Variants in KSR2 observed in about 807,000 individuals in gnomAD.
KSR2 encodes kinase suppressor of ras 2.
A neutral mutation model predicts 107.8 loss-of-function variants in KSR2; 25 were observed. The observed-to-expected ratio is 0.23, with a 90% CI of 0.17 to 0.32. KSR2 has a LOEUF of 0.32. KSR2 is among the 10% of genes least tolerant of loss of function. KSR2 has a pLI of 1.00. For synonymous variants in KSR2, 480 were observed against 507.0 expected, an observed-to-expected ratio of 0.95 and a Z score of 0.71; for missense variants, 887 against 1,268.9, an observed-to-expected ratio of 0.70 and a Z score of 4.57.
At chr12:117,793,379 A>C (rs1442190995) in intron 3 of KSR2, among the ~76,000 whole-genome samples, 2 of 147,768 alleles carry the variant, frequency 1.4e-5, no homozygotes, top group Non-Finnish European at 3.0e-5. Context: ...ATGCACACAC[A>C]CCACTGTGCA....
At chr12:117,860,545 G>T in intron 1 of KSR2, 114 bp from the exon 2 acceptor site, 1 of 1,029,680 alleles carries the variant, frequency 9.7e-7, no homozygotes, top group Non-Finnish European at 1.4e-6. Context: ...CTATTTTAAA[G>T]ACTGGTTCCG....
At chr12:117,605,320 C>T (rs925025493) in intron 5 of KSR2, among the ~76,000 whole-genome samples, 1 of 152,170 alleles carries the variant, frequency 6.6e-6, no homozygotes, top group Non-Finnish European at 1.5e-5. Flanking sequence ...GCTGCAAAGA[C>T]CACGAATGTC....
chr12:117,633,218 A>G (rs1333247144), intron 5 of KSR2, among the ~76,000 whole-genome samples: 1 of 152,144 alleles, frequency 6.6e-6, no homozygotes, highest in Non-Finnish European at 1.5e-5. Context: ...TTTCCTTTCA[A>G]TTCTCTAAAT....
intron 3 of KSR2, among the ~76,000 whole-genome samples, chr12:117,782,230 C>A (rs1889912479): frequency 6.6e-6 from 1 of 152,154 alleles, no homozygotes; most frequent in Non-Finnish European, 1.5e-5. Flanking sequence ...TCTCATACTG[C>A]AGCTGAATAT....
intron 5 of KSR2, among the ~76,000 whole-genome samples, chr12:117,640,563 C>G (rs1883309377): frequency 6.6e-6 from 1 of 152,138 alleles, no homozygotes; most frequent in Admixed American, 6.5e-5. Flanking sequence ...TGATGAAGCT[C>G]TTTTAACTGG....
At chr12:117,925,104 G>A (rs940783856) in intron 1 of KSR2, among the ~76,000 whole-genome samples, 1 of 151,414 alleles carries the variant, frequency 6.6e-6, no homozygotes. Flanking sequence ...GTACAAGGAA[G>A]TTTGTTATAC....
intron 4 of KSR2, among the ~76,000 whole-genome samples, chr12:117,749,661 C>T (rs1295483010): frequency 6.6e-6 from 1 of 152,160 alleles, no homozygotes. Context: ...AAGAATGTGA[C>T]AATAGATGAT....
chr12:117,678,732 C>A (rs1039141491), intron 4 of KSR2, among the ~76,000 whole-genome samples: 6 of 152,142 alleles, frequency 3.9e-5, no homozygotes, highest in African/African-American at 1.4e-4. Flanking sequence ...AGTGCAAAGG[C>A]AGGTTTTCTG....
At chr12:117,928,615 C>G (rs1369919469) in intron 1 of KSR2, among the ~76,000 whole-genome samples, 1 of 152,140 alleles carries the variant, frequency 6.6e-6, no homozygotes, top group Non-Finnish European at 1.5e-5. Context: ...GCAAATAATG[C>G]TGTCATGAAC....
rs566096610 is a variant in KSR2 at position 117,595,465 on chromosome 12, C to T, written c.1172-13106G>A. On this transcript the variant is annotated intron_variant, in intron 5 of 19. Transcript: ENST00000339824. ...CTGCAAGCTCCGCTTCCCGGGTTCA[C>T]GCCATTCTCCTGCCTCAGCCTCCTG... is the stretch of plus-strand genomic sequence containing the variant. Among the ~76,000 whole-genome samples, 6 of 145,750 alleles carry T rather than the reference C, an allele frequency of 4.1e-5. No homozygotes were observed. In the South Asian group the frequency reaches 6.5e-4, roughly 16 times the overall value.
chr12:117,526,727 TG>T (rs1875193989), intron 13 of KSR2, among the ~76,000 whole-genome samples: 1 of 152,188 alleles, frequency 6.6e-6, no homozygotes, highest in Non-Finnish European at 1.5e-5. Context: ...CCAGCATCCC[TG>T]AGGCCCCCAC....
intron 3 of KSR2, among the ~76,000 whole-genome samples, chr12:117,793,492 T>A (rs1890376837): frequency 7.8e-6 from 1 of 129,000 alleles, no homozygotes; most frequent in Admixed American, 8.0e-5. Flanking sequence ...CACATCAACA[T>A]GCACACACCC....
At chr12:117,866,001 C>A (rs1420427096) in intron 1 of KSR2, among the ~76,000 whole-genome samples, 1 of 151,044 alleles carries the variant, frequency 6.6e-6, no homozygotes, top group Non-Finnish European at 1.5e-5. Flanking sequence ...ATGTCTTTAA[C>A]AACTCTCTAA....
At chr12:117,687,661 C>T (rs992713050) in intron 4 of KSR2, among the ~76,000 whole-genome samples, 3 of 152,154 alleles carry the variant, frequency 2.0e-5, no homozygotes, top group Non-Finnish European at 4.4e-5. Context: ...ATTCACCCCA[C>T]TCCACCTCGG....
At chr12:117,872,289 A>C (rs904691820) in intron 1 of KSR2, among the ~76,000 whole-genome samples, 2 of 152,228 alleles carry the variant, frequency 1.3e-5, no homozygotes, top group Non-Finnish European at 2.9e-5. Context: ...GCTTCAACTG[A>C]AGATGTCTGT....
chr12:117,954,375 G>A (rs1014607554), intron 1 of KSR2, among the ~76,000 whole-genome samples: 1 of 152,218 alleles, frequency 6.6e-6, no homozygotes, highest in Admixed American at 6.5e-5. Flanking sequence ...CTTAGAGTTG[G>A]GATGAGCATG....
At chr12:117,590,631 C>T (rs950302908) in intron 5 of KSR2, among the ~76,000 whole-genome samples, 1 of 152,142 alleles carries the variant, frequency 6.6e-6, no homozygotes, top group Non-Finnish European at 1.5e-5. Flanking sequence ...AAGCTCTGTA[C>T]GGACTATGAC....
chr12:117,805,053 A>T (rs1193027041), intron 3 of KSR2, among the ~76,000 whole-genome samples: 1 of 152,188 alleles, frequency 6.6e-6, no homozygotes, highest in Non-Finnish European at 1.5e-5. Context: ...ATTTCCAAGG[A>T]TGTGGGACTT....
chr12:117,554,271 C>T (rs571885472), intron 9 of KSR2, among the ~76,000 whole-genome samples: 15 of 152,164 alleles, frequency 9.9e-5, no homozygotes, highest in Non-Finnish European at 1.9e-4. Context: ...AAGAAAGATG[C>T]ACAGAGGGGC....
Sources: gnomAD v4.1 joint callset for allele counts (sites outside exome capture counted in the v4.1 genomes callset) on GRCh38, gnomAD v4.1.1 for gene constraint, MANE v1.5 for transcripts, NCBI Gene and HGNC (gene_info 2026-07-23, HGNC 2026-07-21) for gene names.